The following HOPX variants were observed in gnomAD, a reference collection of about 807,000 sequenced individuals.
The protein encoded by HOPX is HOP homeobox, also known as homeodomain-only protein.
HOPX carries 5 observed loss-of-function variants against 11.8 expected under a neutral mutation model. That is an observed-to-expected ratio of 0.43 (90% CI 0.22 to 0.89). The LOEUF (loss-of-function observed/expected upper bound fraction) is 0.89. Among genes scored for constraint, HOPX ranks in the 40% least tolerant of loss-of-function variants. HOPX has a pLI of 0.28. For synonymous variants in HOPX, 49 were observed against 49.7 expected (o/e 0.99, Z 0.06); for missense variants, 119 against 120.0 (o/e 0.99, Z 0.04).
intron 2 of HOPX, 198 bp from the exon 3 acceptor site, chr4:56,656,210 G>A: frequency 8.8e-7 from 1 of 1,130,238 alleles, no homozygotes; most frequent in Non-Finnish European, 1.1e-6. Context: ...CTCCCTCCCT[G>A]GACTGAGCGC....
At chr4:56,659,010 T>TA (rs1717948272) in intron 1 of HOPX, 1 of 152,254 alleles carries the variant, frequency 6.6e-6, no homozygotes, top group Admixed American at 6.5e-5. Context: ...TCATTTATTT[T>TA]AAAAATATCT....
intron 1 of HOPX, among the ~76,000 whole-genome samples, chr4:56,661,758 G>A (rs1718151423): frequency 1.3e-5 from 2 of 152,276 alleles, no homozygotes; most frequent in Non-Finnish European, 2.9e-5. Flanking sequence ...TGTTTACTGT[G>A]TAAAAATATT....
intron 1 of HOPX, among the ~76,000 whole-genome samples, chr4:56,678,422 TG>T (rs1401493341): frequency 6.8e-6 from 1 of 147,402 alleles, no homozygotes; most frequent in Non-Finnish European, 1.5e-5. Context: ...TGGTCCAGGG[TG>T]GGGCCTAGTC....
At chr4:56,672,530 C>T (rs1270127603) in intron 1 of HOPX, 5 of 148,950 alleles carry the variant, frequency 3.4e-5, no homozygotes, top group African/African-American at 9.9e-5. Context: ...CAGAGCAAAA[C>T]TTTGTCTTAA....
At position 56,676,723 on chromosome 4, in the gene HOPX, C is replaced by G. The variant is rs1006011744; in HGVS notation, c.-84+4532G>C. On this transcript the variant is annotated intron_variant, in intron 1 of 3. Transcript: ENST00000420433. ...ACTCAAGATGGAGCTCGCCTTCACC[C>G]TCTCCTCCCCACTGCTGCTGTCACA... 4.6e-5 allele frequency among the ~76,000 whole-genome samples: 7 copies of G among 151,514 alleles called. 1 individual carries two copies. Among genetic ancestry groups the G allele is most frequent in the African/African-American group, 1.5e-4 (6 of 40,806 alleles).
rs73163023 is a variant in HOPX, at chr4:56,669,206, C to T, written c.-83-11307G>A. 1.6e-3 allele frequency among the ~76,000 whole-genome samples: 239 copies of T among 152,292 alleles called. 1 individual carries two copies. Among genetic ancestry groups the T allele is most frequent in the African/African-American group, 5.5e-3 (228 of 41,572 alleles). On this transcript the variant is annotated intron_variant, in intron 1 of 3. Coordinates refer to ENST00000420433, the MANE Select transcript of HOPX (RefSeq NM_032495.6). ...ATGTCGCTGACTCAAGAAAGAAGAA[C>T]ACAGAGGCCTATTCTAGGCTCTGCT...
In HOPX at chr4:56,648,279, T is replaced by C. The variant is rs1716841002; in HGVS notation, c.*441A>G. ...GTATTTTCACTCAACCATCATTGTATTAGATGATACATAAGGAAAGTGACT... is the reference window on the plus strand; with the variant it reads ...GTATTTTCACTCAACCATCATTGTACTAGATGATACATAAGGAAAGTGACT... On this transcript the variant is annotated 3_prime_UTR_variant, in exon 4 of 4. Transcript: ENST00000420433. The C allele has an allele frequency of 6.5e-6, 1 of 153,904 alleles. No homozygotes were observed. The highest frequency in any genetic ancestry group is 1.4e-5 in the Non-Finnish European group (1 of 69,220). The allele number at this position is 153,904 out of a possible 1,614,324, so 9.5% of individuals were successfully genotyped here.
At chr4:56,675,844 G>T (rs1313750917) in intron 1 of HOPX, among the ~76,000 whole-genome samples, 1 of 151,586 alleles carries the variant, frequency 6.6e-6, no homozygotes, top group African/African-American at 2.4e-5. Flanking sequence ...GTATGGTCCA[G>T]AACAGAGCAG....
intron 1 of HOPX, among the ~76,000 whole-genome samples, chr4:56,669,818 C>T (rs1368616440): frequency 6.6e-6 from 1 of 151,814 alleles, no homozygotes; most frequent in Non-Finnish European, 1.5e-5. Flanking sequence ...GTAAAAATGC[C>T]CCGGTTGCAC....
At chr4:56,680,074 A>C (rs985068777) in intron 1 of HOPX, 9 of 152,282 alleles carry the variant, frequency 5.9e-5, no homozygotes, top group African/African-American at 1.9e-4. Flanking sequence ...GAAGGTTTTT[A>C]ACTCGCCACC....
intron 1 of HOPX, among the ~76,000 whole-genome samples, chr4:56,660,495 T>C (rs950830921): frequency 4.6e-5 from 7 of 152,212 alleles, no homozygotes. Context: ...TCTAAAACAT[T>C]CTCTTCTTTA....
intron 2 of HOPX, 76 bp from the exon 3 acceptor site, chr4:56,656,088 G>A: frequency 7.3e-7 from 1 of 1,363,952 alleles, no homozygotes; most frequent in Non-Finnish European, 9.4e-7. Context: ...GGCGGTCGCG[G>A]CGCCGCCGGG....
intron 1 of HOPX, among the ~76,000 whole-genome samples, chr4:56,660,945 T>C (rs1181685342): frequency 6.6e-6 from 1 of 152,174 alleles, no homozygotes; most frequent in Non-Finnish European, 1.5e-5. Flanking sequence ...ATCATTCCTT[T>C]GCTTTTCATT....
chr4:56,677,256 C>T (rs927379092), intron 1 of HOPX, among the ~76,000 whole-genome samples: 4 of 151,696 alleles, frequency 2.6e-5, no homozygotes, highest in Admixed American at 6.6e-5. Flanking sequence ...GGCCCACAAC[C>T]TATAGATGGT....
intron 1 of HOPX, among the ~76,000 whole-genome samples, chr4:56,676,768 G>A (rs1719037490): frequency 6.6e-6 from 1 of 151,546 alleles, no homozygotes; most frequent in Non-Finnish European, 1.5e-5. Context: ...CTGGCTGCAG[G>A]GCTGCTCTGG....
chr4:56,670,621 T>C (rs1451506454), intron 1 of HOPX, among the ~76,000 whole-genome samples: 1 of 152,148 alleles, frequency 6.6e-6, no homozygotes, highest in East Asian at 1.9e-4. Context: ...CGCTGAAGGA[T>C]AGAGAGATGT....
chr4:56,650,997 A>C (rs919020331), intron 3 of HOPX: 8 of 504,142 alleles, frequency 1.6e-5, no homozygotes, highest in African/African-American at 1.4e-4. Context: ...CAAGGATGCA[A>C]GGTCTGATTA....
chr4:56,661,067 C>A (rs961357636), intron 1 of HOPX, among the ~76,000 whole-genome samples: 1 of 152,162 alleles, frequency 6.6e-6, no homozygotes, highest in African/African-American at 2.4e-5. Flanking sequence ...AGGCCTCAGT[C>A]TCCTGAGCAG....
chr4:56,676,781 T>A (rs1719038214), intron 1 of HOPX, among the ~76,000 whole-genome samples: 1 of 151,666 alleles, frequency 6.6e-6, no homozygotes, highest in Admixed American at 6.5e-5. Flanking sequence ...TGCTCTGGGC[T>A]CCGACTGCCT....
Sources: allele counts gnomAD v4.1 joint callset (sites outside exome capture counted in the v4.1 genomes callset), GRCh38; gene constraint gnomAD v4.1.1; transcripts MANE v1.5; gene names NCBI Gene and HGNC (gene_info 2026-07-23, HGNC 2026-07-21).